The following ANK1 variants were observed in gnomAD, a reference collection of about 807,000 sequenced individuals.
ANK1 encodes the protein ankyrin 1.
Under a neutral mutation model 210.4 loss-of-function variants are expected in ANK1, and 51 were observed. That is an observed-to-expected ratio of 0.24 (90% CI 0.19 to 0.31). ANK1 has a LOEUF of 0.31. Among genes scored for constraint, ANK1 ranks in the 10% least tolerant of loss-of-function variants. ANK1 has a pLI of 1.00. For synonymous variants in ANK1, 967 were observed against 1,025.9 expected (o/e 0.94, Z 1.10); for missense variants, 2,051 against 2,504.4 (o/e 0.82, Z 3.86).
intron 2 of ANK1, among the ~76,000 whole-genome samples, chr8:41,757,047 TG>T (rs1839331641): frequency 6.6e-6 from 1 of 152,062 alleles, no homozygotes; most frequent in Admixed American, 6.6e-5. Flanking sequence ...TAGTCGGAAA[TG>T]GGGCGTTAGT....
chr8:41,742,510 C>T (rs1430219577), intron 2 of ANK1, among the ~76,000 whole-genome samples: 1 of 152,206 alleles, frequency 6.6e-6, no homozygotes, highest in Non-Finnish European at 1.5e-5. Context: ...CTGAGGACCT[C>T]CCCACCCCAC....
chr8:41,741,497 T>A (rs1169467021), intron 2 of ANK1, among the ~76,000 whole-genome samples: 1 of 152,022 alleles, frequency 6.6e-6, no homozygotes, highest in Non-Finnish European at 1.5e-5. Context: ...GGAGGATCCC[T>A]TGAGCCCAGC....
chr8:41,868,833 A>G (rs1814958611), intron 1 of ANK1, among the ~76,000 whole-genome samples: 1 of 152,092 alleles, frequency 6.6e-6, no homozygotes, highest in South Asian at 2.1e-4. Context: ...TATAACAGAC[A>G]CTCGAACTTT....
At chr8:41,735,041 C>T (rs1391621607) in intron 2 of ANK1, among the ~76,000 whole-genome samples, 1 of 152,226 alleles carries the variant, frequency 6.6e-6, no homozygotes, top group African/African-American at 2.4e-5. Context: ...TTGCCCAACC[C>T]TTAGCCCACA....
chr8:41,838,531 C>A (rs1053015221), intron 1 of ANK1, among the ~76,000 whole-genome samples: 1 of 152,106 alleles, frequency 6.6e-6, no homozygotes, highest in Admixed American at 6.5e-5. Context: ...TTTGGGAGGC[C>A]GAGGCCGGCG....
intron 1 of ANK1, among the ~76,000 whole-genome samples, chr8:41,775,886 CTAA>C (rs1843922111): frequency 6.6e-6 from 1 of 152,136 alleles, no homozygotes; most frequent in Admixed American, 6.5e-5. Flanking sequence ...GACCTTATTT[CTAA>C]TAATAACAAT....
At chr8:41,883,550 C>T (rs1344424895) in intron 1 of ANK1, among the ~76,000 whole-genome samples, 1 of 152,160 alleles carries the variant, frequency 6.6e-6, no homozygotes, top group Non-Finnish European at 1.5e-5. Flanking sequence ...GCCTCAACCT[C>T]CTGGGTTCAA....
intron 1 of ANK1, among the ~76,000 whole-genome samples, chr8:41,844,497 A>G (rs1053769171): frequency 3.3e-5 from 5 of 151,888 alleles, no homozygotes; most frequent in Non-Finnish European, 7.4e-5. Flanking sequence ...CCTCCCCGCA[A>G]CTGATGCACC....
chr8:41,724,683 G>T, intron 6 of ANK1, 129 bp from the exon 7 acceptor site: 1 of 858,894 alleles, frequency 1.2e-6, no homozygotes. Context: ...TGATGGGTGG[G>T]AACATTTGGT....
intron 1 of ANK1, among the ~76,000 whole-genome samples, chr8:41,864,595 C>T (rs982974875): frequency 6.6e-6 from 1 of 152,262 alleles, no homozygotes; most frequent in African/African-American, 2.4e-5. Context: ...CAACAGCAAA[C>T]CACAGCTGCT....
At chr8:41,805,603 A>G (rs1360990217) in intron 1 of ANK1, among the ~76,000 whole-genome samples, 3 of 152,196 alleles carry the variant, frequency 2.0e-5, no homozygotes, top group Admixed American at 6.5e-5. Flanking sequence ...TATATCAGAA[A>G]TTAAAACTGA....
At chr8:41,854,854 G>A (rs111400126) in intron 1 of ANK1, among the ~76,000 whole-genome samples, 3,614 of 152,056 alleles carry the variant, frequency 0.024, 54 homozygotes, top group Middle Eastern at 0.037. Flanking sequence ...GGAGGCTGAG[G>A]TGGGAGGATT....
At chr8:41,859,934 G>A (rs1460020288) in intron 1 of ANK1, among the ~76,000 whole-genome samples, 1 of 152,158 alleles carries the variant, frequency 6.6e-6, no homozygotes, top group Non-Finnish European at 1.5e-5. Flanking sequence ...AAAATTGCCA[G>A]TTCTCTGTTG....
At chr8:41,807,469 G>A (rs201613811) in intron 1 of ANK1, among the ~76,000 whole-genome samples, 3 of 152,106 alleles carry the variant, frequency 2.0e-5, no homozygotes, top group Admixed American at 1.3e-4. Context: ...CCTGTCTGTC[G>A]TGGCCCTTTC....
At chr8:41,701,118 C>T (rs1269443620) in intron 22 of ANK1, among the ~76,000 whole-genome samples, 1 of 152,174 alleles carries the variant, frequency 6.6e-6, no homozygotes, top group Non-Finnish European at 1.5e-5. Flanking sequence ...CCTATTGACC[C>T]ACTATGTGGT....
intron 1 of ANK1, among the ~76,000 whole-genome samples, chr8:41,834,996 C>T (rs1807368373): frequency 6.6e-6 from 1 of 152,250 alleles, no homozygotes; most frequent in Admixed American, 6.5e-5. Flanking sequence ...CATCCTGCCC[C>T]AGAACGGCTA....
chr8:41,849,276 A>AG (rs944598342), intron 1 of ANK1, among the ~76,000 whole-genome samples: 3 of 152,246 alleles, frequency 2.0e-5, no homozygotes, highest in African/African-American at 7.2e-5. Flanking sequence ...TACAAGTAAT[A>AG]GGCCAGTTTA....
intron 12 of ANK1, 36 bp from the exon 13 acceptor site, chr8:41,717,087 T>C: frequency 1.2e-6 from 2 of 1,608,580 alleles, no homozygotes; most frequent in Non-Finnish European, 1.7e-6. Flanking sequence ...TGTTCATACA[T>C]GCCTGCTGTC....
chr8:41,714,799 G>C (rs966240677), intron 15 of ANK1, among the ~76,000 whole-genome samples, 177 bp downstream of exon 15: 1 of 152,130 alleles, frequency 6.6e-6, no homozygotes, highest in Non-Finnish European at 1.5e-5. Context: ...AGTCAAAATT[G>C]TAGTGAGTTG....
Sources: allele counts gnomAD v4.1 joint callset (sites outside exome capture counted in the v4.1 genomes callset), GRCh38; gene constraint gnomAD v4.1.1; transcripts MANE v1.5; gene names NCBI Gene and HGNC (gene_info 2026-07-23, HGNC 2026-07-21).